Variants in PTPRD observed in about 807,000 individuals in gnomAD.
PTPRD encodes the protein receptor-type tyrosine-protein phosphatase delta.
A neutral mutation model predicts 214.5 loss-of-function variants in PTPRD; 34 were observed. The ratio of observed to expected loss-of-function variants is 0.16; its 90% confidence interval spans 0.12 to 0.21. The LOEUF (loss-of-function observed/expected upper bound fraction) is 0.21, where lower values mean the gene tolerates loss of function less well. PTPRD is among the 10% of genes least tolerant of loss of function. The probability of loss-of-function intolerance (pLI) is 1.00; values close to 1 mark genes in which losing one functional copy is unlikely to be tolerated. For missense variants in PTPRD, 2,545 were observed against 2,398.7 expected (o/e 1.06, Z -1.27); for synonymous variants, 1,128 against 845.7 (o/e 1.33, Z -5.79).
At position 10,486,161 on chromosome 9, in the gene PTPRD, T is replaced by G. The variant is rs538548217; in HGVS notation, c.-600+126237A>C. 9.9e-5 allele frequency among the ~76,000 whole-genome samples: 15 copies of G among 152,278 alleles called. No individual in the cohort carries two copies. The East Asian group carries it at 2.9e-3, about 29-fold the overall frequency. Reference sequence around the variant, plus strand: ...TGTTCACTCTGATGGTAGTTTCTTTTGCTGTGCAGAAGCTCTATAGTTTAA... The same window carrying G: ...TGTTCACTCTGATGGTAGTTTCTTTGGCTGTGCAGAAGCTCTATAGTTTAA... On this transcript the variant is annotated intron_variant, in intron 2 of 45. Transcript: ENST00000381196.
intron 3 of PTPRD, among the ~76,000 whole-genome samples, chr9:10,252,366 A>T (rs991968726): frequency 6.6e-6 from 1 of 152,108 alleles, no homozygotes; most frequent in Non-Finnish European, 1.5e-5. Context: ...ATCACAGGCC[A>T]CAAGTAGAGG....
At chr9:8,759,189 C>CT (rs2094237596) in intron 11 of PTPRD, among the ~76,000 whole-genome samples, 1 of 152,024 alleles carries the variant, frequency 6.6e-6, no homozygotes, top group Non-Finnish European at 1.5e-5. Flanking sequence ...TACCACCTTA[C>CT]TTTTTTATTT....
At chr9:10,405,509 A>G (rs1311534783) in intron 2 of PTPRD, among the ~76,000 whole-genome samples, 1 of 117,506 alleles carries the variant, frequency 8.5e-6, no homozygotes, top group South Asian at 3.1e-4. Context: ...ATAGAATATG[A>G]TTAATTCACT....
Position 9,611,039 on chromosome 9 carries a change from T to G in PTPRD, c.-286-36258A>C, listed in dbSNP as rs764614258. 1.6e-4 allele frequency among the ~76,000 whole-genome samples: 24 copies of G among 152,296 alleles called. No individual in the cohort carries two copies. The South Asian group carries it at 5.0e-3, about 32-fold the overall frequency. On this transcript the variant is annotated intron_variant, in intron 7 of 45. Transcript: ENST00000381196. ...GTCTTCTATTGTACCCTTAATTTTGTGTGTAATTCTCTCTTTTAACATCAT... is the reference window on the plus strand; with the variant it reads ...GTCTTCTATTGTACCCTTAATTTTGGGTGTAATTCTCTCTTTTAACATCAT...
intron 3 of PTPRD, among the ~76,000 whole-genome samples, chr9:10,110,373 G>T (rs1462230312): frequency 6.6e-6 from 1 of 152,098 alleles, no homozygotes; most frequent in Non-Finnish European, 1.5e-5. Flanking sequence ...CTTCAACATC[G>T]CATGACTAAG....
At chr9:9,357,719 A>AG (rs2054362425) in intron 9 of PTPRD, among the ~76,000 whole-genome samples, 1 of 140,986 alleles carries the variant, frequency 7.1e-6, no homozygotes, top group African/African-American at 2.8e-5. Context: ...TAAAATAAAA[A>AG]AAAAAAATGA....
intron 3 of PTPRD, among the ~76,000 whole-genome samples, chr9:10,208,129 T>C (rs1273026257): frequency 6.6e-6 from 1 of 152,242 alleles, no homozygotes; most frequent in African/African-American, 2.4e-5. Flanking sequence ...ATGAGGACTT[T>C]GCTGTTAAAG....
At chr9:9,826,296 A>G (rs2821510) in intron 5 of PTPRD, among the ~76,000 whole-genome samples, 3 of 151,434 alleles carry the variant, frequency 2.0e-5, no homozygotes, top group African/African-American at 7.3e-5. Flanking sequence ...TCTTTTATCT[A>G]TATTTCTTTC....
At chr9:10,214,266 CT>C (rs978893774) in intron 3 of PTPRD, among the ~76,000 whole-genome samples, 6 of 151,384 alleles carry the variant, frequency 4.0e-5, no homozygotes, top group African/African-American at 1.5e-4. Context: ...GCAATTAATT[CT>C]TTTTGTTTGT....
At chr9:9,039,714 T>C (rs1227098620) in intron 10 of PTPRD, among the ~76,000 whole-genome samples, 1 of 152,202 alleles carries the variant, frequency 6.6e-6, no homozygotes, top group Non-Finnish European at 1.5e-5. Context: ...CACCCAACAA[T>C]ATTTTGACTC....
chr9:10,506,040 C>A (rs1309407795), intron 2 of PTPRD, among the ~76,000 whole-genome samples: 1 of 152,002 alleles, frequency 6.6e-6, no homozygotes, highest in Non-Finnish European at 1.5e-5. Flanking sequence ...ATCATTGAAT[C>A]AAGGTACTAT....
intron 25 of PTPRD, among the ~76,000 whole-genome samples, chr9:8,497,677 A>C (rs1322935398): frequency 6.6e-6 from 1 of 152,224 alleles, no homozygotes; most frequent in Non-Finnish European, 1.5e-5. Context: ...TGTGAGATGT[A>C]ATGAAATTTC....
rs1242844197 is a variant in PTPRD, at chr9:8,633,191, CT to C, written c.352+125del. 3.2e-5 allele frequency: 40 copies of C among 1,237,166 alleles called. No homozygotes were observed. In the African/African-American group the frequency reaches 5.6e-4, roughly 17 times the overall value. The allele number at this position is 1,237,166 out of a possible 1,614,324, so 76.6% of individuals were successfully genotyped here. On this transcript the variant is annotated intron_variant, in intron 14 of 45. Transcript: ENST00000381196. The stretch of plus-strand genomic sequence containing the variant: ...TCCACTGTCTAATTAAAGTTCAAGT[CT>C]TACAAACATTTAACTGAGTTTCCCA...
intron 10 of PTPRD, among the ~76,000 whole-genome samples, chr9:9,119,393 G>C (rs116019560): frequency 6.6e-6 from 1 of 152,120 alleles, no homozygotes; most frequent in Non-Finnish European, 1.5e-5. Context: ...TTTGGGTTGT[G>C]ATATATTTAC....
At chr9:9,083,006 C>A (rs2099761520) in intron 10 of PTPRD, among the ~76,000 whole-genome samples, 1 of 152,052 alleles carries the variant, frequency 6.6e-6, no homozygotes, top group Admixed American at 6.6e-5. Context: ...AATGCTATTC[C>A]CATTAAGCTA....
At chr9:8,531,211 T>C (rs1364556924) in intron 14 of PTPRD, among the ~76,000 whole-genome samples, 1 of 152,080 alleles carries the variant, frequency 6.6e-6, no homozygotes, top group African/African-American at 2.4e-5. Context: ...AATTTCAAGA[T>C]GATTTTTCAA....
chr9:8,626,959 T>G (rs780449596), intron 14 of PTPRD, among the ~76,000 whole-genome samples: 23 of 151,882 alleles, frequency 1.5e-4, no homozygotes, highest in Non-Finnish European at 2.7e-4. Context: ...CCTAATACAC[T>G]GCACACACCT....
chr9:10,051,396 A>G (rs1311411231), intron 3 of PTPRD, among the ~76,000 whole-genome samples: 2 of 151,388 alleles, frequency 1.3e-5, no homozygotes, highest in Admixed American at 1.3e-4. Flanking sequence ...AGTCATCTCC[A>G]GTTTTTTCCT....
At chr9:10,013,740 A>C (rs1040488671) in intron 4 of PTPRD, among the ~76,000 whole-genome samples, 1 of 151,998 alleles carries the variant, frequency 6.6e-6, no homozygotes, top group Non-Finnish European at 1.5e-5. Context: ...TTGTTTTTCA[A>C]GGTGCTGTTT....
Sources: gnomAD v4.1 joint callset for allele counts (sites outside exome capture counted in the v4.1 genomes callset) on GRCh38, gnomAD v4.1.1 for gene constraint, MANE v1.5 for transcripts, NCBI Gene and HGNC (gene_info 2026-07-23, HGNC 2026-07-21) for gene names.